SH3PXD2A: variants seen among roughly 807,000 people sequenced by gnomAD.
The protein encoded by SH3PXD2A is SH3 and PX domain-containing protein 2A.
In SH3PXD2A, 32 loss-of-function variants were observed where a neutral mutation model predicts 115.2. The observed-to-expected ratio is 0.28, with a 90% confidence interval of 0.21 to 0.37. SH3PXD2A has a LOEUF of 0.37. SH3PXD2A is among the 10% of genes least tolerant of loss of function. The pLI, the probability that SH3PXD2A is intolerant of heterozygous loss-of-function variation, is 1.00. For synonymous variants in SH3PXD2A, 610 were observed against 629.1 expected, an observed-to-expected ratio of 0.97 and a Z score of 0.45; for missense variants, 1,328 against 1,498.7, an observed-to-expected ratio of 0.89 and a Z score of 1.88.
chr10:103,667,848 A>T (rs565045785), intron 7 of SH3PXD2A, among the ~76,000 whole-genome samples: 48 of 152,334 alleles, frequency 3.2e-4, no homozygotes, highest in African/African-American at 1.2e-3. Context: ...GACCATCTCC[A>T]TCCAGGAGCT....
intron 8 of SH3PXD2A, among the ~76,000 whole-genome samples, chr10:103,632,138 G>C (rs1564849143): frequency 6.6e-6 from 1 of 151,866 alleles, no homozygotes; most frequent in Non-Finnish European, 1.5e-5. Flanking sequence ...CTGCACTCCA[G>C]TCTAGGTGAC....
rs938951028 is a variant in SH3PXD2A at position 103,736,855 on chromosome 10, C to T, written c.230-1047G>A. On this transcript the variant is annotated intron_variant, in intron 3 of 14. Transcript: ENST00000369774. ...GGAGAAGGCATCTTCCACTCCCAGT[C>T]CTTGTGGTGTCAGTCAGTCTAGCCA... 3 of 1,088,860 alleles carry T rather than the reference C, an allele frequency of 2.8e-6. No individual in the cohort carries two copies. In the East Asian group the frequency reaches 1.8e-4, roughly 64 times the overall value. The allele number at this position is 1,088,860 out of a possible 1,614,324, so 67.4% of individuals were successfully genotyped here.
chr10:103,708,647 C>T (rs1194839565), intron 5 of SH3PXD2A, among the ~76,000 whole-genome samples: 2 of 152,210 alleles, frequency 1.3e-5, no homozygotes, highest in African/African-American at 4.8e-5. Context: ...CCCTGTGTCA[C>T]CTTACTGATG....
At chr10:103,621,059 C>T (rs1005926677) in intron 10 of SH3PXD2A, among the ~76,000 whole-genome samples, 9 of 152,084 alleles carry the variant, frequency 5.9e-5, no homozygotes, top group African/African-American at 1.9e-4. Context: ...TTGTGAGTGG[C>T]TGTGTGCCTG....
chr10:103,757,860 A>G (rs891128164), intron 3 of SH3PXD2A, among the ~76,000 whole-genome samples: 3 of 152,202 alleles, frequency 2.0e-5, no homozygotes, highest in Non-Finnish European at 4.4e-5. Context: ...AACTGCAGGA[A>G]GTGAGGCTGT....
At chr10:103,696,168 T>C (rs1994838) in intron 5 of SH3PXD2A, among the ~76,000 whole-genome samples, 36,502 of 152,208 alleles carry the variant, frequency 0.24, 4,625 homozygotes, top group South Asian at 0.42. Flanking sequence ...TGTGACTGAA[T>C]GGTGGGAACG....
chr10:103,668,894 G>T (rs1295252722), intron 6 of SH3PXD2A, among the ~76,000 whole-genome samples: 1 of 152,236 alleles, frequency 6.6e-6, no homozygotes. Flanking sequence ...GGTGTCCGCC[G>T]AAATGCAGGA....
At chr10:103,845,949 C>G (rs1197914900) in intron 1 of SH3PXD2A, among the ~76,000 whole-genome samples, 1 of 152,244 alleles carries the variant, frequency 6.6e-6, no homozygotes, top group Non-Finnish European at 1.5e-5. Context: ...AGTTCATTCT[C>G]AACATGGGGC....
chr10:103,766,706 T>C (rs1266434304), intron 3 of SH3PXD2A, among the ~76,000 whole-genome samples: 1 of 152,170 alleles, frequency 6.6e-6, no homozygotes, highest in African/African-American at 2.4e-5. Flanking sequence ...GGAGATCAGA[T>C]CAGGGAGTGC....
intron 6 of SH3PXD2A, among the ~76,000 whole-genome samples, chr10:103,673,917 G>T (rs1564860426): frequency 6.6e-6 from 1 of 152,196 alleles, no homozygotes; most frequent in Non-Finnish European, 1.5e-5. Context: ...GAGGGGAGGG[G>T]TGACAGGCCA....
At chr10:103,619,162 C>T (rs2036565651) in intron 10 of SH3PXD2A, among the ~76,000 whole-genome samples, 1 of 152,346 alleles carries the variant, frequency 6.6e-6, no homozygotes, top group South Asian at 2.1e-4. Flanking sequence ...AGATTCCAAC[C>T]CAGCCATGCT....
rs114761693 is a variant in SH3PXD2A, at chr10:103,804,255, A to G, written c.73-2893T>C. Reference sequence around the variant, plus strand: ...CAATGTTAGGGTGCCCGGGCTGAGGAGGGAGTACATTCAGATGGTTGCAGG... The same window carrying G: ...CAATGTTAGGGTGCCCGGGCTGAGGGGGGAGTACATTCAGATGGTTGCAGG... On this transcript the variant is annotated intron_variant, in intron 1 of 14. Coordinates refer to ENST00000369774, the MANE Select transcript of SH3PXD2A (RefSeq NM_001394015.1). 2.3e-3 allele frequency among the ~76,000 whole-genome samples: 327 copies of G among 145,194 alleles called. 1 individual carries two copies. Among genetic ancestry groups the G allele is most frequent in the African/African-American group, 7.7e-3 (304 of 39,434 alleles).
intron 9 of SH3PXD2A, among the ~76,000 whole-genome samples, chr10:103,625,976 C>T (rs2036685456): frequency 6.6e-6 from 1 of 152,204 alleles, no homozygotes; most frequent in African/African-American, 2.4e-5. Flanking sequence ...GCTCAGGGGC[C>T]AAGACTCTCC....
rs17740249 is a variant in SH3PXD2A, at chr10:103,763,234, T to C, written c.229+3860A>G. On this transcript the variant is annotated intron_variant, in intron 3 of 14. Coordinates refer to ENST00000369774, the MANE Select transcript of SH3PXD2A (RefSeq NM_001394015.1). The stretch of plus-strand genomic sequence containing the variant: ...GCTCCACCAGCCAGTAAAATTTCTA[T>C]GAGCCCTCAGCCATCAGCCTGCAGC... 3.2e-3 allele frequency among the ~76,000 whole-genome samples: 495 copies of C among 152,330 alleles called. 1 individual carries two copies. The highest frequency in any genetic ancestry group is 6.0e-3 in the Non-Finnish European group (410 of 68,032).
At position 103,633,727 on chromosome 10, in the gene SH3PXD2A, C is replaced by CAAAAAAAAA. The variant is rs35917262; in HGVS notation, c.605-6534_605-6526dup. Among the ~76,000 whole-genome samples, 19 of 74,354 alleles carry CAAAAAAAAA rather than the reference C, an allele frequency of 2.6e-4. 1 individual carries two copies. Among genetic ancestry groups the CAAAAAAAAA allele is most frequent in the African/African-American group, 9.9e-4 (19 of 19,192 alleles). The allele number at this position is 74,354 out of a possible 152,430, so 48.8% of individuals were successfully genotyped here. A position where few individuals can be genotyped will look rare whatever the true frequency, so the allele number is the denominator to read the frequency against. On this transcript the variant is annotated intron_variant, in intron 8 of 14. Transcript: ENST00000369774. ...TAGGCGATGGAGCAAGATTCTGTCT[C>CAAAAAAAAA]AAAAAAAAAAAAAAAAAAAAAAAAA...
intron 2 of SH3PXD2A, among the ~76,000 whole-genome samples, chr10:103,780,402 C>T (rs192787411): frequency 1.6e-3 from 246 of 152,318 alleles, no homozygotes; most frequent in Middle Eastern, 6.8e-3. Flanking sequence ...AAAGGAAAAG[C>T]GAAAGAGTAG....
At chr10:103,643,641 G>A (rs1164233790) in intron 8 of SH3PXD2A, among the ~76,000 whole-genome samples, 1 of 152,166 alleles carries the variant, frequency 6.6e-6, no homozygotes, top group Non-Finnish European at 1.5e-5. Flanking sequence ...AACAGCACAG[G>A]AGCCCCAAAT....
chr10:103,838,363 A>T (rs948911717), intron 1 of SH3PXD2A, among the ~76,000 whole-genome samples: 2 of 151,938 alleles, frequency 1.3e-5, no homozygotes, highest in Admixed American at 1.3e-4. Flanking sequence ...CCTCCTAACG[A>T]CCCTATGGGG....
At chr10:103,662,085 C>T (rs2037314669) in intron 7 of SH3PXD2A, 8 of 508,722 alleles carry the variant, frequency 1.6e-5, no homozygotes, top group Non-Finnish European at 2.0e-5. Context: ...CTTTCAGTGC[C>T]GGGGCTTGTG....
Sources: gnomAD v4.1 joint callset for allele counts (sites outside exome capture counted in the v4.1 genomes callset) on GRCh38, gnomAD v4.1.1 for gene constraint, MANE v1.5 for transcripts, NCBI Gene and HGNC (gene_info 2026-07-23, HGNC 2026-07-21) for gene names.